The following KIAA1217 variants were observed in gnomAD, a reference collection of about 807,000 sequenced individuals.
KIAA1217 encodes the protein sickle tail protein homolog.
A neutral mutation model predicts 163.9 loss-of-function variants in KIAA1217; 88 were observed. The observed-to-expected ratio is 0.54, with a 90% CI of 0.45 to 0.64. KIAA1217 has a LOEUF of 0.64. KIAA1217 is among the 30% of genes least tolerant of loss of function. The pLI, the probability that KIAA1217 is intolerant of heterozygous loss-of-function variation, is 0.00. For synonymous variants in KIAA1217, 903 were observed against 923.1 expected, an observed-to-expected ratio of 0.98 and a Z score of 0.39; for missense variants, 2,372 against 2,475.0, an observed-to-expected ratio of 0.96 and a Z score of 0.88.
intron 3 of KIAA1217, among the ~76,000 whole-genome samples, chr10:24,410,216 G>A (rs942068468): frequency 1.3e-5 from 2 of 151,802 alleles, no homozygotes; most frequent in East Asian, 1.9e-4. Flanking sequence ...GGCTGGTCTC[G>A]AACTCCCAAC....
rs529841355 is a variant in KIAA1217, at chr10:24,451,825, C to T, written c.846+13346C>T. Among the ~76,000 whole-genome samples, 28 of 152,238 alleles carry T rather than the reference C, an allele frequency of 1.8e-4. No homozygotes were observed. The Middle Eastern group carries it at 0.01, about 55-fold the overall frequency. On this transcript the variant is annotated intron_variant, in intron 5 of 20. Transcript: ENST00000376454. ...ATTGCTTTTGACTGGGGACATATGT[C>T]CTTTCATTTTCAAGTTGCATCCCTT...
intron 2 of KIAA1217, among the ~76,000 whole-genome samples, chr10:24,256,887 G>A (rs116700752): frequency 0.011 from 1,712 of 152,244 alleles, 25 homozygotes; most frequent in African/African-American, 0.039. Context: ...CAACAAAGTG[G>A]GACGCATCAT....
At chr10:24,108,103 A>T (rs969666265) in intron 2 of KIAA1217, among the ~76,000 whole-genome samples, 2 of 152,190 alleles carry the variant, frequency 1.3e-5, no homozygotes, top group Non-Finnish European at 2.9e-5. Flanking sequence ...AGAAGCCTGC[A>T]CTTGTTAGAT....
At chr10:24,085,180 CT>C (rs1761633090) in intron 2 of KIAA1217, among the ~76,000 whole-genome samples, 1 of 152,186 alleles carries the variant, frequency 6.6e-6, no homozygotes, top group African/African-American at 2.4e-5. Context: ...TCCCAAAGTG[CT>C]GGGATTACCG....
At chr10:24,515,621 A>T (rs11014132) in intron 10 of KIAA1217, among the ~76,000 whole-genome samples, 12,272 of 152,258 alleles carry the variant, frequency 0.081, 1,077 homozygotes, top group African/African-American at 0.22. Context: ...CAACCTGATA[A>T]ATAGGAGTAT....
At chr10:23,889,110 T>G (rs1402032817) in intron 1 of KIAA1217, among the ~76,000 whole-genome samples, 1 of 151,900 alleles carries the variant, frequency 6.6e-6, no homozygotes, top group African/African-American at 2.4e-5. Context: ...AGTTTGAAGC[T>G]ATTGTAATTA....
intron 1 of KIAA1217, among the ~76,000 whole-genome samples, chr10:23,981,769 T>G (rs1328891581): frequency 6.6e-6 from 1 of 152,164 alleles, no homozygotes; most frequent in Non-Finnish European, 1.5e-5. Flanking sequence ...AGAACTGTGC[T>G]TGGGCCTCCA....
chr10:24,328,535 T>G (rs1312290504), intron 2 of KIAA1217, among the ~76,000 whole-genome samples: 1 of 151,870 alleles, frequency 6.6e-6, no homozygotes, highest in Non-Finnish European at 1.5e-5. Flanking sequence ...AAACATTGGC[T>G]CTATGGAACA....
chr10:23,905,184 CTTT>C (rs66510256), intron 1 of KIAA1217, among the ~76,000 whole-genome samples: 1 of 145,908 alleles, frequency 6.9e-6, no homozygotes. Context: ...GAAGGGGCTG[CTTT>C]TTTTTTTTTC....
chr10:24,001,172 C>A (rs560383490), intron 1 of KIAA1217, among the ~76,000 whole-genome samples: 1 of 152,068 alleles, frequency 6.6e-6, no homozygotes, highest in African/African-American at 2.4e-5. Flanking sequence ...TATGGCTCAT[C>A]TTACATAATA....
At chr10:24,515,722 C>T (rs928424252) in intron 10 of KIAA1217, among the ~76,000 whole-genome samples, 2 of 152,176 alleles carry the variant, frequency 1.3e-5, no homozygotes, top group African/African-American at 4.8e-5. Context: ...TGAATGAAGT[C>T]ATTCTTTGTA....
At chr10:24,230,639 G>A (rs192491530) in intron 2 of KIAA1217, among the ~76,000 whole-genome samples, 3 of 149,382 alleles carry the variant, frequency 2.0e-5, no homozygotes, top group Non-Finnish European at 4.4e-5. Context: ...AGCCTCCCAA[G>A]TACCTGGGAT....
chr10:24,189,896 C>T (rs1193044910), intron 2 of KIAA1217, among the ~76,000 whole-genome samples: 3 of 151,922 alleles, frequency 2.0e-5, no homozygotes, highest in Non-Finnish European at 4.4e-5. Flanking sequence ...TGGTGCATGC[C>T]TATAGTCCCA....
At chr10:23,817,128 T>A (rs1051077429) in intron 1 of KIAA1217, among the ~76,000 whole-genome samples, 1 of 152,168 alleles carries the variant, frequency 6.6e-6, no homozygotes, top group Non-Finnish European at 1.5e-5. Context: ...TCTAAGAGTA[T>A]TATATAATAT....
At chr10:24,011,392 T>C (rs1266826626) in intron 2 of KIAA1217, among the ~76,000 whole-genome samples, 1 of 152,014 alleles carries the variant, frequency 6.6e-6, no homozygotes, top group Non-Finnish European at 1.5e-5. Flanking sequence ...GAGGCTGAGG[T>C]GGGAGGATCA....
At chr10:24,265,989 G>A (rs1049230667) in intron 2 of KIAA1217, among the ~76,000 whole-genome samples, 8 of 151,972 alleles carry the variant, frequency 5.3e-5, no homozygotes, top group African/African-American at 1.9e-4. Flanking sequence ...AAATTCCAAA[G>A]AGAAAAGGGC....
chr10:23,853,955 C>A (rs1423753912), intron 1 of KIAA1217, among the ~76,000 whole-genome samples: 4 of 152,074 alleles, frequency 2.6e-5, no homozygotes, highest in Non-Finnish European at 4.4e-5. Context: ...TTGATCCTTT[C>A]AAAAAACCAG....
At chr10:23,764,249 A>G (rs1834404206) in intron 1 of KIAA1217, among the ~76,000 whole-genome samples, 1 of 152,206 alleles carries the variant, frequency 6.6e-6, no homozygotes, top group Admixed American at 6.5e-5. Context: ...AAAAACCACA[A>G]TGAGTTACCA....
intron 1 of KIAA1217, among the ~76,000 whole-genome samples, chr10:23,799,041 G>C (rs1233026658): frequency 6.6e-6 from 1 of 152,216 alleles, no homozygotes; most frequent in African/African-American, 2.4e-5. Context: ...CTCTTTCCCA[G>C]CTTCTGGTGG....
Sources: gnomAD v4.1 joint callset for allele counts (sites outside exome capture counted in the v4.1 genomes callset) on GRCh38, gnomAD v4.1.1 for gene constraint, MANE v1.5 for transcripts, NCBI Gene and HGNC (gene_info 2026-07-23, HGNC 2026-07-21) for gene names.